The following ADGRL3 variants were observed in gnomAD, a reference collection of about 807,000 sequenced individuals.
ADGRL3 encodes adhesion G protein-coupled receptor L3.
In ADGRL3, 62 loss-of-function variants were observed where a neutral mutation model predicts 153.5. That is an observed-to-expected ratio of 0.40 (90% CI 0.33 to 0.50). The LOEUF (loss-of-function observed/expected upper bound fraction) is 0.50, where lower values mean the gene tolerates loss of function less well. ADGRL3 is among the 20% of genes least tolerant of loss of function. The probability of loss-of-function intolerance (pLI) is 0.47; values close to 1 mark genes in which losing one functional copy is unlikely to be tolerated. For synonymous variants in ADGRL3, 710 were observed against 672.5 expected, an observed-to-expected ratio of 1.06 and a Z score of -0.86; for missense variants, 1,641 against 1,859.4, an observed-to-expected ratio of 0.88 and a Z score of 2.16.
At chr4:61,965,591 T>G (rs978399193) in intron 17 of ADGRL3, among the ~76,000 whole-genome samples, 1 of 151,468 alleles carries the variant, frequency 6.6e-6, no homozygotes, top group African/African-American at 2.4e-5. Flanking sequence ...CTACTAAAAA[T>G]ACAAAAAAAA....
rs2098329454 is a variant in ADGRL3, at chr4:61,497,239, G to T, written c.-55G>T. The T allele has an allele frequency of 1.9e-6, 2 of 1,034,870 alleles. No individual in the cohort carries two copies. Among genetic ancestry groups the T allele is most frequent in the Admixed American group, 2.1e-5 (1 of 46,770 alleles). 64.1% of individuals were successfully genotyped at this position (1,034,870 alleles called of 1,614,324 possible). On this transcript the variant is annotated 5_prime_UTR_variant, in exon 3 of 27. Transcript: ENST00000683033. ...GAGAAACTAGAAATATACGTATTTT[G>T]TTTCACATTTGAACAGTCATTCTTG...
chr4:61,399,208 C>G (rs2096902339), intron 2 of ADGRL3, among the ~76,000 whole-genome samples: 1 of 151,654 alleles, frequency 6.6e-6, no homozygotes. Context: ...AGTTAATACT[C>G]AGATCTTTAG....
Position 61,202,515 on chromosome 4 carries a change from G to A in ADGRL3, c.-240+750G>A, listed in dbSNP as rs1241813909. On this transcript the variant is annotated intron_variant, in intron 1 of 26. Transcript: ENST00000683033. The surrounding 1 kb of genome is among the most constrained non-coding windows in gnomAD (Gnocchi z 5.0). ...TGCTGGTAGTGGGCACTGGGCGGGGGGCGGCGGTGTTGCACGAATCCGGGC... is the reference window on the plus strand; with the variant it reads ...TGCTGGTAGTGGGCACTGGGCGGGGAGCGGCGGTGTTGCACGAATCCGGGC... Among the ~76,000 whole-genome samples, 1 of 152,166 alleles carries A rather than the reference G, an allele frequency of 6.6e-6. No individual in the cohort carries two copies. The highest frequency in any genetic ancestry group is 1.5e-5 in the Non-Finnish European group (1 of 68,024).
At chr4:61,459,087 G>T (rs13117013) in intron 2 of ADGRL3, among the ~76,000 whole-genome samples, 34,986 of 151,238 alleles carry the variant, frequency 0.23, 4,154 homozygotes, top group South Asian at 0.28. Context: ...AAATAATATA[G>T]AGAGAATTTT....
intron 17 of ADGRL3, among the ~76,000 whole-genome samples, chr4:61,963,113 C>T (rs1271229259): frequency 6.6e-6 from 1 of 150,850 alleles, no homozygotes; most frequent in Non-Finnish European, 1.5e-5. Context: ...ATTATGATAG[C>T]GTGATATAAG....
At chr4:61,652,707 G>T (rs2094303497) in intron 5 of ADGRL3, among the ~76,000 whole-genome samples, 1 of 152,210 alleles carries the variant, frequency 6.6e-6, no homozygotes, top group Middle Eastern at 3.4e-3. Context: ...TTCCATATAT[G>T]CTTCCCTGAA....
rs1452643390 is a variant in ADGRL3, at chr4:61,383,126, A to G, written c.-237A>G. ...AATATTTTTTTCTTTTTTTTCAGAA[A>G]TGTTTAATTTGGTAAATTGGAGGAA... On this transcript the variant is annotated splice_region_variant and 5_prime_UTR_variant, in exon 2 of 27. It removes an upstream start codon present in the reference 5' UTR. Transcript: ENST00000683033. 6.6e-6 allele frequency: 1 copy of G among 151,714 alleles called. No homozygotes were observed. Among genetic ancestry groups the G allele is most frequent in the East Asian group, 1.9e-4 (1 of 5,186 alleles). 9.4% of individuals were successfully genotyped at this position (151,714 alleles called of 1,614,324 possible).
chr4:61,452,058 A>G (rs1404170376), intron 2 of ADGRL3, among the ~76,000 whole-genome samples: 1 of 152,098 alleles, frequency 6.6e-6, no homozygotes, highest in Non-Finnish European at 1.5e-5. Flanking sequence ...CCTTTTTCAG[A>G]GTAATTCCCC....
chr4:61,493,241 C>T (rs754837737), intron 2 of ADGRL3, among the ~76,000 whole-genome samples: 32 of 152,046 alleles, frequency 2.1e-4, no homozygotes, highest in Non-Finnish European at 3.2e-4. Flanking sequence ...GGCGGTGAGG[C>T]TGGAATGTGA....
At chr4:61,490,865 C>T (rs886981775) in intron 2 of ADGRL3, among the ~76,000 whole-genome samples, 5 of 151,990 alleles carry the variant, frequency 3.3e-5, no homozygotes, top group Admixed American at 6.6e-5. Context: ...AATTGAGAAA[C>T]AATACATGTA....
chr4:61,630,891 C>G (rs540094558), intron 5 of ADGRL3, among the ~76,000 whole-genome samples: 1 of 152,098 alleles, frequency 6.6e-6, no homozygotes, highest in Non-Finnish European at 1.5e-5. Context: ...GTATTATGGT[C>G]GAAATAGGAC....
intron 6 of ADGRL3, among the ~76,000 whole-genome samples, chr4:61,680,322 G>A (rs1418526218): frequency 1.4e-5 from 2 of 138,034 alleles, no homozygotes; most frequent in Non-Finnish European, 3.2e-5. Flanking sequence ...TTTAGTGCTT[G>A]TAGTAATATA....
chr4:61,336,207 C>T (rs1220941665), intron 1 of ADGRL3, among the ~76,000 whole-genome samples: 2 of 152,108 alleles, frequency 1.3e-5, no homozygotes, highest in Non-Finnish European at 2.9e-5. Flanking sequence ...GTATATATCC[C>T]TATTTTCAAG....
intron 1 of ADGRL3, among the ~76,000 whole-genome samples, chr4:61,340,406 A>G (rs2095783719): frequency 6.6e-6 from 1 of 151,742 alleles, no homozygotes; most frequent in Admixed American, 6.6e-5. Context: ...GCATGGGGTC[A>G]GTGGGATAGG....
At chr4:61,660,189 T>C (rs1192914469) in intron 5 of ADGRL3, among the ~76,000 whole-genome samples, 1 of 152,200 alleles carries the variant, frequency 6.6e-6, no homozygotes, top group African/African-American at 2.4e-5. Flanking sequence ...AGTGAGACCT[T>C]TTTTGAAATT....
chr4:62,054,081 C>T (rs2151792083), intron 25 of ADGRL3, among the ~76,000 whole-genome samples: 1 of 151,680 alleles, frequency 6.6e-6, no homozygotes, highest in East Asian at 1.9e-4. Context: ...AATTGAGTTG[C>T]TACTGTGTGA....
rs563231778 is a variant in ADGRL3 at position 61,505,762 on chromosome 4, T to C, written c.55+8414T>C. On this transcript the variant is annotated intron_variant, in intron 3 of 26. Transcript: ENST00000683033. ...TCAAGAGTAATCCTATAGCTTTGCA[T>C]CTCTCTATCAAATCCACATATTATA... 4.6e-5 allele frequency among the ~76,000 whole-genome samples: 7 copies of C among 152,110 alleles called. No homozygotes were observed. The South Asian group carries it at 8.3e-4, about 18-fold the overall frequency.
At chr4:61,330,596 G>C (rs2095552255) in intron 1 of ADGRL3, among the ~76,000 whole-genome samples, 1 of 152,180 alleles carries the variant, frequency 6.6e-6, no homozygotes, top group South Asian at 2.1e-4. Flanking sequence ...TCTTGGTCTT[G>C]CTGACATCAA....
intron 5 of ADGRL3, among the ~76,000 whole-genome samples, chr4:61,618,486 C>T (rs2092243019): frequency 6.6e-6 from 1 of 152,106 alleles, no homozygotes; most frequent in Admixed American, 6.5e-5. Flanking sequence ...TCTGGGCCTA[C>T]TAGGCTGGGG....
Sources: gnomAD v4.1 joint callset for allele counts (sites outside exome capture counted in the v4.1 genomes callset) on GRCh38, gnomAD v4.1.1 for gene constraint, Gnocchi (gnomAD v3.1) non-coding constraint, MANE v1.5 for transcripts, NCBI Gene and HGNC (gene_info 2026-07-23, HGNC 2026-07-21) for gene names.